HMCN1: variants seen among roughly 807,000 people sequenced by gnomAD.
HMCN1 encodes hemicentin 1.
Under a neutral mutation model 625.9 loss-of-function variants are expected in HMCN1, and 321 were observed. The ratio of observed to expected loss-of-function variants is 0.51; its 90% CI spans 0.47 to 0.56. The LOEUF is 0.56. Among genes scored for constraint, HMCN1 ranks in the 20% least tolerant of loss-of-function variants. The probability of loss-of-function intolerance (pLI) is 0.00; values close to 1 mark genes in which losing one functional copy is unlikely to be tolerated. For synonymous variants in HMCN1, 2,425 were observed against 2,417.6 expected, an observed-to-expected ratio of 1.00 and a Z score of -0.09; for missense variants, 6,588 against 6,887.3, an observed-to-expected ratio of 0.96 and a Z score of 1.54.
intron 16 of HMCN1, among the ~76,000 whole-genome samples, chr1:185,979,560 T>C (rs1328319515): frequency 6.6e-6 from 1 of 152,200 alleles, no homozygotes; most frequent in Non-Finnish European, 1.5e-5. Flanking sequence ...TATGTTGTAT[T>C]TCTACACAAA....
At position 185,977,755 on chromosome 1, in the gene HMCN1, A is replaced by T. The variant is rs1463293076; in HGVS notation, c.2372-32A>T. 8.0e-6 allele frequency: 11 copies of T among 1,375,320 alleles called. No homozygotes were observed. The South Asian group carries it at 1.2e-4, about 15-fold the overall frequency. The allele number at this position is 1,375,320 out of a possible 1,614,324, so 85.2% of individuals were successfully genotyped here. On this transcript the variant is annotated intron_variant, in intron 15 of 106. Transcript: ENST00000271588. ...TTTAATATGCCTGTATAATATACCG[A>T]TGACTTATTTGTTGTTTGTAATGTC...
chr1:186,076,618 G>T lies in HMCN1; in HGVS notation c.8481G>T (p.Leu2827Phe), dbSNP rs749698666. ...CCTCAAGTGATAAAGTATTGATTTT[G>T]CCAGGTAAAGATTGATACCAACAGG... ...PLTSSDKVLI[L>F]PGGRVLQIPR... The change falls in exon 54 of 107, where the codon TTG becomes TTT. Residue 2827 changes from leucine to phenylalanine, a missense_variant. By Grantham distance (22) the Leu-to-Phe change is conservative. Around this residue, in one of 3 missense-constraint regions of HMCN1, gnomAD observed 4,628 missense variants for 4,853.1 expected, o/e 0.95. Coordinates refer to ENST00000271588, the MANE Select transcript of HMCN1 (RefSeq NM_031935.3). 1.2e-6 allele frequency: 2 copies of T among 1,612,738 alleles called. No individual in the cohort carries two copies. The highest frequency in any genetic ancestry group is 1.7e-5 in the Admixed American group (1 of 59,976).
chr1:185,763,637 G>T (rs1325186722), intron 1 of HMCN1, among the ~76,000 whole-genome samples: 2 of 152,118 alleles, frequency 1.3e-5, no homozygotes, highest in African/African-American at 4.8e-5. Flanking sequence ...TAGAAGGAAA[G>T]AAACTGATAT....
rs1652256226 is a variant in HMCN1 at position 186,171,916 on chromosome 1, T to C, written c.15689-90T>C. 8 of 1,190,250 alleles carry C rather than the reference T, an allele frequency of 6.7e-6. No individual in the cohort carries two copies. In the Admixed American group the frequency reaches 1.3e-4, roughly 20 times the overall value. The allele number at this position is 1,190,250 out of a possible 1,614,324, so 73.7% of individuals were successfully genotyped here. A position where few individuals can be genotyped will look rare whatever the true frequency, so the allele number is the denominator to read the frequency against. ...ATTATGCAATGAATGTATATATAAA[T>C]AATATCCCTAAAATCCAAAAGTATG... On this transcript the variant is annotated intron_variant, in intron 101 of 106. Coordinates refer to ENST00000271588, the MANE Select transcript of HMCN1 (RefSeq NM_031935.3).
intron 4 of HMCN1, among the ~76,000 whole-genome samples, chr1:185,875,432 G>C (rs1239345467): frequency 1.3e-5 from 2 of 152,038 alleles, no homozygotes; most frequent in Non-Finnish European, 2.9e-5. Flanking sequence ...AATCTCTGAG[G>C]AGAGGGATCA....
rs371141823 is a variant in HMCN1, at chr1:185,892,572, G to A, written c.622-16765G>A. 1.0e-3 allele frequency among the ~76,000 whole-genome samples: 158 copies of A among 152,292 alleles called. 1 individual carries two copies. The South Asian group carries it at 0.014, about 14-fold the overall frequency. On this transcript the variant is annotated intron_variant, in intron 4 of 106. Transcript: ENST00000271588. ...CAGGTCTGTTGGAGTACCCAGCAGT[G>A]TGAGGTGTCAGTGTGCCCCTGCTGG... is the stretch of plus-strand genomic sequence containing the variant.
At chr1:186,158,584 C>T (rs1196877772) in intron 97 of HMCN1, among the ~76,000 whole-genome samples, 1 of 152,070 alleles carries the variant, frequency 6.6e-6, no homozygotes, top group Non-Finnish European at 1.5e-5. Context: ...ACGTTTAAGT[C>T]TTTAATCCAT....
intron 30 of HMCN1, among the ~76,000 whole-genome samples, chr1:186,011,131 C>T (rs1229507684): frequency 1.3e-5 from 2 of 152,036 alleles, no homozygotes; most frequent in Admixed American, 1.3e-4. Flanking sequence ...CTGCAACCTC[C>T]GCCTCTTCGG....
At chr1:185,963,512 T>C (rs1166656147) in intron 12 of HMCN1, among the ~76,000 whole-genome samples, 2 of 151,306 alleles carry the variant, frequency 1.3e-5, no homozygotes, top group Non-Finnish European at 2.9e-5. Flanking sequence ...CTCATTAGGG[T>C]GAGGAAAATT....
Position 186,125,790 on chromosome 1 carries a change from T to A in HMCN1, c.12686T>A (p.Val4229Asp). ...EPYGELILEN[V>D]VLEDSGFYTC... ...TATGGAGAACTCATTTTAGAAAATG[T>A]TGTGGTAAGTTTAATGGACGTGAAC... Residue 4229 changes from valine (V) to aspartate (D), a missense_variant, in exon 82 of 107, where the codon GTT becomes GAT. Physicochemically the swap from Val to Asp is radical, Grantham distance 152 (BLOSUM62 -3). This residue lies in a region of HMCN1 where 1,954 missense variants were observed against 2,013.1 expected (regional missense o/e 0.97). Transcript: ENST00000271588. 6.2e-7 allele frequency: 1 copy of A among 1,612,264 alleles called. No homozygotes were observed. Among genetic ancestry groups the A allele is most frequent in the Non-Finnish European group, 8.5e-7 (1 of 1,178,566 alleles).
At chr1:186,063,193 A>C (rs1230026267) in intron 48 of HMCN1, among the ~76,000 whole-genome samples, 1 of 146,674 alleles carries the variant, frequency 6.8e-6, no homozygotes, top group Non-Finnish European at 1.5e-5. Context: ...AAACATACTA[A>C]TGCAGGTATC....
At chr1:185,768,558 AGGAAT>A (rs1656019072) in intron 1 of HMCN1, among the ~76,000 whole-genome samples, 1 of 152,214 alleles carries the variant, frequency 6.6e-6, no homozygotes. Flanking sequence ...AATACACTTA[AGGAAT>A]GTGTTCTACA....
chr1:186,024,920 C>G (rs1342766895), intron 36 of HMCN1, among the ~76,000 whole-genome samples: 7 of 152,126 alleles, frequency 4.6e-5, no homozygotes. Flanking sequence ...CAGGATTATT[C>G]AAGTCCATGA....
In HMCN1 at chr1:185,779,326, G is replaced by A. The variant is rs190476588; in HGVS notation, c.268+44279G>A. Among the ~76,000 whole-genome samples, 928 of 152,242 alleles carry A rather than the reference G, an allele frequency of 6.1e-3. 10 individuals are homozygous for A. The highest frequency in any genetic ancestry group is 0.021 in the African/African-American group (855 of 41,534). On this transcript the variant is annotated intron_variant, in intron 1 of 106. Transcript: ENST00000271588. ...GTTCACTCTGATGGTAGTTTCTTTT[G>A]CTGTGCAGCAGCTCTTGAGTTTAAT... is the stretch of plus-strand genomic sequence containing the variant.
chr1:186,106,858 T>G, intron 69 of HMCN1, 26 bp from the exon 70 acceptor site: 10 of 1,432,786 alleles, frequency 7.0e-6, no homozygotes, highest in Non-Finnish European at 4.9e-6. Context: ...GTTAACATTA[T>G]GTAATTCATT....
intron 36 of HMCN1, among the ~76,000 whole-genome samples, chr1:186,032,687 T>C (rs1332726733): frequency 6.6e-6 from 1 of 151,982 alleles, no homozygotes; most frequent in African/African-American, 2.4e-5. Flanking sequence ...TTACCCAGTC[T>C]TGGGTATGTC....
chr1:185,970,436 T>C lies in HMCN1; in HGVS notation c.2314T>C (p.Cys772Arg). The change falls in exon 15 of 107, where the codon TGT becomes CGT. Residue 772 changes from cysteine (C) to arginine (R), a missense_variant. By Grantham distance (180) the Cys-to-Arg change is radical. This residue lies in a region of HMCN1 where 4,628 missense variants were observed against 4,853.1 expected (regional missense o/e 0.95). Transcript: ENST00000271588. ...TQDLDAGDYT[C>R]VAINEAGRAT... is the part of the protein sequence containing the mutation. ...AGATCTGGATGCTGGCGATTATACC[T>C]GTGTAGCCATCAATGAGGCTGGAAG... 1 of 1,613,586 alleles carries C rather than the reference T, an allele frequency of 6.2e-7. No homozygotes were observed. The highest frequency in any genetic ancestry group is 8.5e-7 in the Non-Finnish European group (1 of 1,179,508).
rs199927269 is a variant in HMCN1 at position 186,153,898 on chromosome 1, T to C, written c.15167T>C (p.Val5056Ala). Residue 5056 changes from valine (V) to alanine (A), a missense_variant, in exon 97 of 107, where the codon GTT becomes GCT. Val to Ala is a moderately conservative substitution (Grantham distance 64, BLOSUM62 0). This residue lies in a region of HMCN1 where 1,954 missense variants were observed against 2,013.1 expected (regional missense o/e 0.97). Transcript: ENST00000271588. ...DQAQGRMPFL[V>A]ETLHASSVES... Reference sequence around the variant, plus strand: ...GCACAGGGAAGAATGCCTTTCTTGGTTGAAACACTTCATGCATCCTCTGTG... The same window carrying C: ...GCACAGGGAAGAATGCCTTTCTTGGCTGAAACACTTCATGCATCCTCTGTG... The C allele has an allele frequency of 1.4e-5, 23 of 1,614,178 alleles. No homozygotes were observed. In the East Asian group the frequency reaches 2.5e-4, roughly 17 times the overall value.
chr1:186,055,470 T>A lies in HMCN1; in HGVS notation c.6940T>A (p.Cys2314Ser). 6.2e-7 allele frequency: 1 copy of A among 1,612,634 alleles called. No homozygotes were observed. Among genetic ancestry groups the A allele is most frequent in the Non-Finnish European group, 8.5e-7 (1 of 1,179,184 alleles). ...CCGAGGGAAGAGTATCTCCTTGGAG[T>A]GTGAGGTGCAGGGTATTCCACCACC... ...VTRGKSISLE[C>S]EVQGIPPPTV... The change falls in exon 45 of 107, where the codon TGT (cysteine) becomes AGT (serine). Residue 2314 changes from cysteine (C) to serine (S), a missense_variant. Physicochemically the swap from Cys to Ser is moderately radical, Grantham distance 112. Around this residue, in one of 3 missense-constraint regions of HMCN1, gnomAD observed 4,628 missense variants for 4,853.1 expected, o/e 0.95. Transcript: ENST00000271588.
Sources: gnomAD v4.1 joint callset for allele counts (sites outside exome capture counted in the v4.1 genomes callset) on GRCh38, gnomAD v4.1.1 for gene constraint, gnomAD v4.1.1 regional missense constraint, MANE v1.5 for transcripts, NCBI Gene and HGNC (gene_info 2026-07-23, HGNC 2026-07-21) for gene names.